GABRB1: variants seen among roughly 807,000 people sequenced by gnomAD.
GABRB1 encodes gamma-aminobutyric acid receptor subunit beta-1.
Under a neutral mutation model 51.6 loss-of-function variants are expected in GABRB1, and 17 were observed. That is an observed-to-expected ratio of 0.33 (90% confidence interval 0.23 to 0.49). GABRB1 has a LOEUF of 0.49. GABRB1 is among the 20% of genes least tolerant of loss of function. The pLI is 0.99. For synonymous variants in GABRB1, 247 were observed against 218.9 expected, an observed-to-expected ratio of 1.13 and a Z score of -1.14; for missense variants, 410 against 600.6, an observed-to-expected ratio of 0.68 and a Z score of 3.32.
intron 5 of GABRB1, among the ~76,000 whole-genome samples, chr4:47,349,302 A>G (rs1402463891): frequency 6.6e-6 from 1 of 152,132 alleles, no homozygotes; most frequent in Non-Finnish European, 1.5e-5. Context: ...TAATAACTGG[A>G]TAGAATAAAG....
chr4:46,995,803 G>A lies in GABRB1; in HGVS notation c.-20+1877G>A, dbSNP rs997526283. Among the ~76,000 whole-genome samples the A allele has an allele frequency of 3.9e-5, 6 of 152,156 alleles. No individual in the cohort carries two copies. The South Asian group carries it at 1.0e-3, about 26-fold the overall frequency. On this transcript the variant is annotated intron_variant, in intron 1 of 3. Coordinates refer to the GABRB1 transcript ENST00000513567. The stretch of plus-strand genomic sequence containing the variant: ...GGCTTTGGGGAAACAGTTACATATC[G>A]TATCTTTAAAATTCAAACTTAAAAT...
intron 3 of GABRB1, among the ~76,000 whole-genome samples, chr4:47,070,122 G>T (rs921518371): frequency 7.4e-5 from 11 of 149,600 alleles, no homozygotes; most frequent in Non-Finnish European, 1.5e-5. Flanking sequence ...TGCAACCTCC[G>T]CCTTCTGAGC....
At chr4:47,110,146 T>C (rs1715155846) in intron 3 of GABRB1, among the ~76,000 whole-genome samples, 1 of 152,146 alleles carries the variant, frequency 6.6e-6, no homozygotes, top group Non-Finnish European at 1.5e-5. Context: ...TTTTCTAAAA[T>C]CACAGCAAGA....
intron 4 of GABRB1, among the ~76,000 whole-genome samples, chr4:47,313,777 T>C (rs1055973617): frequency 4.6e-5 from 7 of 152,108 alleles, no homozygotes; most frequent in African/African-American, 1.7e-4. Context: ...TATGTGCTTG[T>C]GTGGGAGGCC....
intron 3 of GABRB1, among the ~76,000 whole-genome samples, chr4:47,042,331 C>A (rs1361591964): frequency 3.4e-5 from 5 of 146,892 alleles, no homozygotes; most frequent in African/African-American, 1.2e-4. Flanking sequence ...CATGGCATAG[C>A]CAGTTTCACA....
At chr4:47,287,481 A>G (rs1723554309) in intron 4 of GABRB1, among the ~76,000 whole-genome samples, 1 of 152,062 alleles carries the variant, frequency 6.6e-6, no homozygotes, top group Admixed American at 6.5e-5. Flanking sequence ...ATACCTTTCC[A>G]GTGAATAATT....
intron 3 of GABRB1, among the ~76,000 whole-genome samples, chr4:47,129,997 C>T (rs970116389): frequency 3.3e-5 from 5 of 152,098 alleles, no homozygotes; most frequent in South Asian, 2.1e-4. Flanking sequence ...ATTCAATTTT[C>T]GCAAAGTATA....
At chr4:47,044,708 G>A (rs1018177939) in intron 3 of GABRB1, among the ~76,000 whole-genome samples, 2 of 151,914 alleles carry the variant, frequency 1.3e-5, no homozygotes, top group Non-Finnish European at 2.9e-5. Flanking sequence ...AAGACACCAG[G>A]GGTAACATTA....
At chr4:47,389,137 T>G (rs1315447790) in intron 5 of GABRB1, among the ~76,000 whole-genome samples, 1 of 152,196 alleles carries the variant, frequency 6.6e-6, no homozygotes, top group Non-Finnish European at 1.5e-5. Context: ...AAGTAATTTA[T>G]CTCTTACACA....
intron 5 of GABRB1, among the ~76,000 whole-genome samples, chr4:47,388,796 G>T (rs926540911): frequency 6.6e-6 from 1 of 152,076 alleles, no homozygotes; most frequent in Non-Finnish European, 1.5e-5. Flanking sequence ...CCCTGGGAAG[G>T]ACCAGAGCCT....
intron 5 of GABRB1, among the ~76,000 whole-genome samples, chr4:47,391,772 G>C (rs961632241): frequency 6.6e-6 from 1 of 152,112 alleles, no homozygotes; most frequent in Admixed American, 6.5e-5. Flanking sequence ...ACTCTAAGCA[G>C]CAAACAATAT....
intron 3 of GABRB1, among the ~76,000 whole-genome samples, chr4:47,044,233 C>A (rs537587681): frequency 6.6e-6 from 1 of 151,966 alleles, no homozygotes; most frequent in South Asian, 2.1e-4. Flanking sequence ...GGCAAGATGA[C>A]GTTAATATTT....
At chr4:47,096,901 G>C (rs1714466835) in intron 3 of GABRB1, among the ~76,000 whole-genome samples, 1 of 152,170 alleles carries the variant, frequency 6.6e-6, no homozygotes, top group African/African-American at 2.4e-5. Flanking sequence ...CACGGGCCTT[G>C]ATTTTACTCC....
intron 5 of GABRB1, among the ~76,000 whole-genome samples, chr4:47,326,904 T>C (rs1560334929): frequency 6.6e-6 from 1 of 152,174 alleles, no homozygotes; most frequent in African/African-American, 2.4e-5. Context: ...GTTGTTTCTT[T>C]CCCCCATAGA....
intron 4 of GABRB1, among the ~76,000 whole-genome samples, chr4:47,199,472 G>T (rs1719815283): frequency 6.6e-6 from 1 of 152,126 alleles, no homozygotes. Context: ...GGAGCCTCTT[G>T]TCTAACAGAG....
chr4:47,169,731 A>G (rs895856463), intron 4 of GABRB1, among the ~76,000 whole-genome samples: 25 of 151,984 alleles, frequency 1.6e-4, no homozygotes, highest in African/African-American at 5.6e-4. Flanking sequence ...CGAACTCTTA[A>G]TCTCAGGTGA....
At chr4:47,004,102 C>T (rs1298925147) in intron 1 of GABRB1, among the ~76,000 whole-genome samples, 1 of 152,088 alleles carries the variant, frequency 6.6e-6, no homozygotes, top group African/African-American at 2.4e-5. Flanking sequence ...GGTTCCCCTG[C>T]CTCAGCCTCC....
intron 3 of GABRB1, among the ~76,000 whole-genome samples, chr4:47,087,273 G>A (rs551693637): frequency 1.2e-5 from 1 of 81,330 alleles, no homozygotes; most frequent in African/African-American, 4.6e-5. Context: ...AAATACGGTA[G>A]CATTAATTTT....
At chr4:47,403,274 A>T in intron 5 of GABRB1, 44 bp from the exon 6 acceptor site, 1 of 1,603,184 alleles carries the variant, frequency 6.2e-7, no homozygotes, top group Non-Finnish European at 8.5e-7. Flanking sequence ...ATTCAAAATG[A>T]TTTCCTAAAC....
Sources: gnomAD v4.1 joint callset for allele counts (sites outside exome capture counted in the v4.1 genomes callset) on GRCh38, gnomAD v4.1.1 for gene constraint, MANE v1.5 for transcripts, NCBI Gene and HGNC (gene_info 2026-07-23, HGNC 2026-07-21) for gene names.